The following USP53 variants were observed in gnomAD, a reference collection of about 807,000 sequenced individuals.
The protein encoded by USP53 is ubiquitin carboxyl-terminal hydrolase 53.
Under a neutral mutation model 94.9 loss-of-function variants are expected in USP53, and 71 were observed. The observed-to-expected ratio is 0.75, with a 90% CI of 0.62 to 0.91. The LOEUF is 0.91. Among genes scored for constraint, USP53 ranks in the 40% least tolerant of loss-of-function variants. The probability of loss-of-function intolerance (pLI) is 0.00; values close to 1 mark genes in which losing one functional copy is unlikely to be tolerated. For synonymous variants in USP53, 375 were observed against 422.7 expected, an observed-to-expected ratio of 0.89 and a Z score of 1.39; for missense variants, 1,173 against 1,281.0, an observed-to-expected ratio of 0.92 and a Z score of 1.29.
chr4:119,278,390 G>T (rs1223731857), intron 17 of USP53, among the ~76,000 whole-genome samples: 2 of 148,408 alleles, frequency 1.3e-5, no homozygotes, highest in Non-Finnish European at 3.0e-5. Context: ...GAAATTCTGG[G>T]TTGAAAATTC....
At chr4:119,248,974 GAAC>G in intron 7 of USP53, 92 bp downstream of exon 7, 1 of 1,506,326 alleles carries the variant, frequency 6.6e-7, no homozygotes. Context: ...CAAAAATTTA[GAAC>G]AATAGAAAAA....
At chr4:119,255,745 G>A (rs12643853) in intron 7 of USP53, among the ~76,000 whole-genome samples, 44,531 of 152,038 alleles carry the variant, frequency 0.29, 6,922 homozygotes, top group South Asian at 0.43. Context: ...CTCGCCCTCC[G>A]TGGGCTGCAC....
chr4:119,253,832 G>A (rs1749378443), intron 7 of USP53, among the ~76,000 whole-genome samples: 1 of 152,160 alleles, frequency 6.6e-6, no homozygotes, highest in Non-Finnish European at 1.5e-5. Context: ...TTTAAATTTG[G>A]CATGTTTTTA....
chr4:119,269,838 G>C lies in USP53; in HGVS notation c.1435+1G>C. 1 of 1,443,680 alleles carries C rather than the reference G, an allele frequency of 6.9e-7. No individual in the cohort carries two copies. The highest frequency in any genetic ancestry group is 9.1e-7 in the Non-Finnish European group (1 of 1,098,000). The allele number at this position is 1,443,680 out of a possible 1,614,324, so 89.4% of individuals were successfully genotyped here. On this transcript the variant is annotated splice_donor_variant, in intron 15 of 18. Transcript: ENST00000692078. LOFTEE classifies it high-confidence loss of function. The stretch of plus-strand genomic sequence containing the variant: ...AGAAAAGATTTAGGACGACATAGAG[G>C]TAAGTTAAGATCTTGTACTATTGAT...
chr4:119,233,387 T>A (rs947195666), intron 3 of USP53, among the ~76,000 whole-genome samples: 5 of 152,164 alleles, frequency 3.3e-5, no homozygotes, highest in Admixed American at 6.5e-5. Context: ...CCTGTTTTTA[T>A]CTGAGTTTCT....
At chr4:119,279,764 G>A (rs530936510) in intron 17 of USP53, among the ~76,000 whole-genome samples, 31 of 152,328 alleles carry the variant, frequency 2.0e-4, no homozygotes, top group African/African-American at 7.0e-4. Flanking sequence ...TTCCATGGGC[G>A]TAGGACCCTC....
rs141402694 is a variant in USP53, at chr4:119,233,705, A to C, written c.-664-1585A>C. ...ATTGGTGAATATTATGTTTGTTTTAAATTTGTGGTCTCTTTAGTCTTTTTT... is the reference window on the plus strand; with the variant it reads ...ATTGGTGAATATTATGTTTGTTTTACATTTGTGGTCTCTTTAGTCTTTTTT... On this transcript the variant is annotated intron_variant, in intron 3 of 18. Coordinates refer to ENST00000692078, the MANE Select transcript of USP53 (RefSeq NM_001371395.1). Among the ~76,000 whole-genome samples the C allele has an allele frequency of 1.2e-4, 19 of 152,036 alleles. No individual in the cohort carries two copies. The East Asian group carries it at 3.7e-3, about 29-fold the overall frequency.
At position 119,293,026 on chromosome 4, in the gene USP53, G is replaced by T. The variant is rs565571581; in HGVS notation, c.3037G>T (p.Ala1013Ser). The T allele has an allele frequency of 1.2e-6, 2 of 1,614,104 alleles. No homozygotes were observed. The highest frequency in any genetic ancestry group is 1.1e-5 in the South Asian group (1 of 91,080). Reference sequence around the variant, plus strand: ...TAACGATTTTCAGGCAAACTCAGGTGCCATTGATGCATTTTGCCAACCAGA... The same window carrying T: ...TAACGATTTTCAGGCAAACTCAGGTTCCATTGATGCATTTTGCCAACCAGA... The part of the protein sequence containing the change: ...STNDFQANSG[A>S]IDAFCQPELD... The change falls in exon 19 of 19, where the codon GCC becomes TCC. Residue 1013 changes from alanine to serine, a missense_variant. Ala to Ser is a moderately conservative substitution (Grantham distance 99). Transcript: ENST00000692078.
Position 119,283,035 on chromosome 4 carries a change from A to G in USP53, c.2252-8130A>G, listed in dbSNP as rs549036931. ...TAATGCCACCGTTATTTCTTTTTTT[A>G]TTCCATTAATAGAGATATTATATAG... On this transcript the variant is annotated intron_variant, in intron 17 of 18. Coordinates refer to ENST00000692078, the MANE Select transcript of USP53 (RefSeq NM_001371395.1). Among the ~76,000 whole-genome samples the G allele has an allele frequency of 3.9e-5, 6 of 151,976 alleles. No homozygotes were observed. In the East Asian group the frequency reaches 1.2e-3, roughly 29 times the overall value.
In USP53 at chr4:119,293,703, G is replaced by A. The variant is rs1025785073; in HGVS notation, c.*492G>A. ...AAAAGTACCAGGTGATACATAGCCT[G>A]GTACTTTTTTGTCAAAGAATTGCTT... is the stretch of plus-strand genomic sequence containing the variant. On this transcript the variant is annotated 3_prime_UTR_variant, in exon 19 of 19. Coordinates refer to ENST00000692078, the MANE Select transcript of USP53 (RefSeq NM_001371395.1). 1 of 152,108 alleles carries A rather than the reference G, an allele frequency of 6.6e-6. No homozygotes were observed. The highest frequency in any genetic ancestry group is 2.4e-5 in the African/African-American group (1 of 41,402). The allele number at this position is 152,108 out of a possible 1,614,324, so 9.4% of individuals were successfully genotyped here. A position where few individuals can be genotyped will look rare whatever the true frequency, so the allele number is the denominator to read the frequency against.
intron 3 of USP53, among the ~76,000 whole-genome samples, chr4:119,233,227 G>C (rs969412603): frequency 2.2e-5 from 3 of 137,266 alleles, no homozygotes; most frequent in African/African-American, 8.2e-5. Context: ...GTCAGTTTTT[G>C]TAAAATTTTA....
chr4:119,268,528 C>T (rs1485846563), intron 14 of USP53, 108 bp downstream of exon 14: 1 of 1,110,510 alleles, frequency 9.0e-7, no homozygotes. Flanking sequence ...AAGATAATAA[C>T]AAATAGATAA....
chr4:119,280,539 G>T (rs1181469878), intron 17 of USP53, among the ~76,000 whole-genome samples: 2 of 152,128 alleles, frequency 1.3e-5, no homozygotes, highest in Non-Finnish European at 2.9e-5. Context: ...TGAGGTAAGC[G>T]TAAAGAAAAT....
chr4:119,224,979 G>T (rs1330908396), intron 3 of USP53, among the ~76,000 whole-genome samples: 1 of 151,840 alleles, frequency 6.6e-6, no homozygotes, highest in Non-Finnish European at 1.5e-5. Flanking sequence ...GTGAAAACAG[G>T]AAAGCAATAG....
Position 119,239,281 on chromosome 4 carries a change from G to C in USP53, c.-479G>C. On this transcript the variant is annotated 5_prime_UTR_variant, in exon 5 of 19. Transcript: ENST00000692078. ...ACCTTTTATAACTTCACCTGGGAAAGAGAGAGAAAACTTTCTTGTTAAAAA... is the reference window on the plus strand; with the variant it reads ...ACCTTTTATAACTTCACCTGGGAAACAGAGAGAAAACTTTCTTGTTAAAAA... The C allele has an allele frequency of 1.3e-5, 2 of 152,386 alleles. No homozygotes were observed. The highest frequency in any genetic ancestry group is 3.4e-3 in the Middle Eastern group (1 of 290). 9.4% of individuals were successfully genotyped at this position (152,386 alleles called of 1,614,324 possible). A position where few individuals can be genotyped will look rare whatever the true frequency, so the allele number is the denominator to read the frequency against.
At position 119,264,456 on chromosome 4, in the gene USP53, G is replaced by A. The variant is rs116113998; in HGVS notation, c.972+2592G>A. Among the ~76,000 whole-genome samples, 1,221 of 152,254 alleles carry A rather than the reference G, an allele frequency of 8.0e-3. 15 individuals carry two copies. The highest frequency in any genetic ancestry group is 0.028 in the African/African-American group (1,161 of 41,546). On this transcript the variant is annotated intron_variant, in intron 12 of 18. Transcript: ENST00000692078. ...AACCGTATACTGAGAGAAAATATTT[G>A]TGAAGCATTTATCTAATAAAGACTG...
chr4:119,237,009 A>T lies in USP53; in HGVS notation c.-543+1598A>T, dbSNP rs142442366. On this transcript the variant is annotated intron_variant, in intron 4 of 18. Transcript: ENST00000692078. ...TCTTAAATAATGGGACTTTAAAGTC[A>T]AAATTACTCCTTGATTCATGAGCTG... Among the ~76,000 whole-genome samples, 38 of 152,332 alleles carry T rather than the reference A, an allele frequency of 2.5e-4. 1 individual carries two copies. In the East Asian group the frequency reaches 5.2e-3, roughly 21 times the overall value.
chr4:119,260,634 C>T lies in USP53; in HGVS notation c.803C>T (p.Thr268Ile). 1 of 1,613,712 alleles carries T rather than the reference C, an allele frequency of 6.2e-7. No individual in the cohort carries two copies. The highest frequency in any genetic ancestry group is 8.5e-7 in the Non-Finnish European group (1 of 1,179,744). Residue 268 changes from threonine to isoleucine, a missense_variant, in exon 11 of 19, where the codon ACA becomes ATA. Coordinates refer to ENST00000692078, the MANE Select transcript of USP53 (RefSeq NM_001371395.1). ...GAAGCTGTTGTTCGGAATCTAGCAA[C>T]ACATCTTTATCTTCCTGGGGTATCT... is the stretch of plus-strand genomic sequence containing the variant. ...LTEAVVRNLA[T>I]HLYLPGLFYR...
intron 17 of USP53, among the ~76,000 whole-genome samples, chr4:119,278,196 C>A (rs199816242): frequency 6.9e-6 from 1 of 144,936 alleles, no homozygotes; most frequent in Admixed American, 6.9e-5. Context: ...TTCCTAGTCT[C>A]GATGGTCTTT....
Sources: gnomAD v4.1 joint callset for allele counts (sites outside exome capture counted in the v4.1 genomes callset) on GRCh38, gnomAD v4.1.1 for gene constraint, MANE v1.5 for transcripts, NCBI Gene and HGNC (gene_info 2026-07-23, HGNC 2026-07-21) for gene names.